Variants in ADAMTS14 observed in about 807,000 individuals in gnomAD.
ADAMTS14 encodes ADAM metallopeptidase with thrombospondin type 1 motif 14.
A neutral mutation model predicts 128.6 loss-of-function variants in ADAMTS14; 100 were observed. That is an observed-to-expected ratio of 0.78 (90% CI 0.66 to 0.92). The LOEUF (loss-of-function observed/expected upper bound fraction) is 0.92, where lower values mean the gene tolerates loss of function less well. Ranked by LOEUF, ADAMTS14 falls within the 40% of genes least tolerant of loss-of-function variation. The pLI is 0.00. For synonymous variants in ADAMTS14, 665 were observed against 653.8 expected, an observed-to-expected ratio of 1.02 and a Z score of -0.26; for missense variants, 1,562 against 1,658.6, an observed-to-expected ratio of 0.94 and a Z score of 1.01.
At chr10:70,729,178 T>G in intron 4 of ADAMTS14, 116 bp from the exon 5 acceptor site, 1 of 868,954 alleles carries the variant, frequency 1.2e-6, no homozygotes, top group Non-Finnish European at 1.9e-6. Context: ...GATAAGTATC[T>G]TGCCTGATAA....
chr10:70,711,671 G>C (rs186409457), intron 4 of ADAMTS14, among the ~76,000 whole-genome samples: 43 of 152,278 alleles, frequency 2.8e-4, no homozygotes, highest in Admixed American at 2.7e-3. Flanking sequence ...GTTGTTCCTC[G>C]CCTGAGTTTG....
intron 4 of ADAMTS14, among the ~76,000 whole-genome samples, chr10:70,721,575 G>A (rs1273588571): frequency 1.3e-5 from 2 of 151,956 alleles, no homozygotes; most frequent in Non-Finnish European, 2.9e-5. Context: ...TGTTAGTAGA[G>A]ACGGGGTTTC....
At chr10:70,757,092 A>G (rs10733878) in intron 19 of ADAMTS14, among the ~76,000 whole-genome samples, 146,454 of 152,184 alleles carry the variant, frequency 0.96, 70,576 homozygotes, top group East Asian at 1. Context: ...TTCCAGCTAG[A>G]TAAGGCTGTG....
At position 70,744,204 on chromosome 10, in the gene ADAMTS14, G is replaced by A. The variant is rs1396718101; in HGVS notation, c.2182+15G>A. On this transcript the variant is annotated intron_variant, in intron 14 of 21. Transcript: ENST00000373207. The stretch of plus-strand genomic sequence containing the variant: ...CAAGCAGGCAGGTGAGCCGGGCTGG[G>A]GCTGGGGGGATGACGAGGGCTGACT... The A allele has an allele frequency of 6.6e-7, 1 of 1,509,916 alleles. No individual in the cohort carries two copies. The highest frequency in any genetic ancestry group is 8.9e-7 in the Non-Finnish European group (1 of 1,122,734). 93.5% of individuals were successfully genotyped at this position (1,509,916 alleles called of 1,614,324 possible).
At chr10:70,760,266 G>T (rs1163762393) in intron 21 of ADAMTS14, 94 bp from the exon 22 acceptor site, 2 of 1,470,000 alleles carry the variant, frequency 1.4e-6, no homozygotes, top group Admixed American at 4.5e-5. Flanking sequence ...AGGGGTGGAG[G>T]GCGGGCAGTC....
intron 4 of ADAMTS14, 119 bp from the exon 5 acceptor site, chr10:70,729,175 A>G (rs1841539620): frequency 1.2e-6 from 1 of 837,716 alleles, no homozygotes; most frequent in Non-Finnish European, 2.0e-6. Context: ...TAGGATAAGT[A>G]TCTTGCCTGA....
chr10:70,688,000 T>G (rs1384090949), intron 2 of ADAMTS14, among the ~76,000 whole-genome samples: 1 of 59,860 alleles, frequency 1.7e-5, no homozygotes, highest in South Asian at 1.1e-3. Context: ...ACGGGGTGGC[T>G]GCCGGGCGGA....
intron 4 of ADAMTS14, among the ~76,000 whole-genome samples, chr10:70,710,841 A>T (rs181893521): frequency 9.5e-4 from 145 of 152,296 alleles, no homozygotes; most frequent in Admixed American, 4.3e-3. Context: ...TCGTGAAGTG[A>T]CTGGTCATGC....
chr10:70,690,489 G>GA (rs1840152417), intron 2 of ADAMTS14, among the ~76,000 whole-genome samples: 1 of 145,438 alleles, frequency 6.9e-6, no homozygotes, highest in South Asian at 2.2e-4. Flanking sequence ...CTGCATTCTG[G>GA]AGGGAACTTG....
At chr10:70,721,019 CTTTTTTTTTTTT>C (rs56656736) in intron 4 of ADAMTS14, among the ~76,000 whole-genome samples, 4 of 84,336 alleles carry the variant, frequency 4.7e-5, no homozygotes, top group Non-Finnish European at 8.6e-5. Context: ...TCTCTTTTTT[CTTTTTTTTTTTT>C]TTTTTTTTTT....
chr10:70,755,800 G>C (rs982574670), intron 19 of ADAMTS14, among the ~76,000 whole-genome samples: 1 of 152,246 alleles, frequency 6.6e-6, no homozygotes, highest in Non-Finnish European at 1.5e-5. Flanking sequence ...AGTGAGCCAA[G>C]ATCACGCCAT....
chr10:70,682,738 C>T (rs1244771308), intron 2 of ADAMTS14, among the ~76,000 whole-genome samples: 1 of 152,112 alleles, frequency 6.6e-6, no homozygotes, highest in Non-Finnish European at 1.5e-5. Context: ...GGCTGCCACT[C>T]CCAGAGGGGT....
chr10:70,688,844 G>GTGGGGC (rs1491317668), intron 2 of ADAMTS14, among the ~76,000 whole-genome samples: 1 of 990 alleles, frequency 1.0e-3, no homozygotes, highest in Non-Finnish European at 5.3e-3. Flanking sequence ...GAGGGAGACC[G>GTGGGGC]GAGGGGGAGG....
At chr10:70,697,145 G>T (rs965493951) in intron 2 of ADAMTS14, among the ~76,000 whole-genome samples, 26 of 152,216 alleles carry the variant, frequency 1.7e-4, no homozygotes, top group African/African-American at 6.3e-4. Context: ...GAGGTGGCCT[G>T]CTCTGCTACT....
At chr10:70,760,234 T>G in intron 21 of ADAMTS14, 126 bp from the exon 22 acceptor site, 4 of 1,284,794 alleles carry the variant, frequency 3.1e-6, no homozygotes, top group African/African-American at 1.5e-5. Flanking sequence ...AGAAAAAGCT[T>G]TATAGTGGGT....
intron 4 of ADAMTS14, 39 bp downstream of exon 4, chr10:70,708,817 G>T: frequency 7.4e-7 from 1 of 1,349,888 alleles, no homozygotes; most frequent in Non-Finnish European, 9.9e-7. Flanking sequence ...GGGGAGTGGG[G>T]TGGGGTGGGC....
Position 70,730,131 on chromosome 10 carries a change from C to G in ADAMTS14, c.984C>G (p.Pro328=). The part of the protein sequence containing the change: ...QSLSLIERGN[P]SRSLEQVCRW... ...TGAGCCTGATCGAGCGCGGGAACCC[C>G]TCACGCAGCCTGGAGCAGGTGTGTC... Residue 328 remains proline, a synonymous_variant, in exon 6 of 22, where the codon CCC becomes CCG. Transcript: ENST00000373207. 1 of 1,610,382 alleles carries G rather than the reference C, an allele frequency of 6.2e-7. No individual in the cohort carries two copies. The highest frequency in any genetic ancestry group is 1.3e-5 in the African/African-American group (1 of 75,042).
chr10:70,699,569 G>A (rs896136895), intron 2 of ADAMTS14, among the ~76,000 whole-genome samples: 13 of 152,136 alleles, frequency 8.5e-5, no homozygotes, highest in African/African-American at 3.1e-4. Context: ...GGACGAGCAC[G>A]ATGATCTTGA....
intron 6 of ADAMTS14, 62 bp from the exon 7 acceptor site, chr10:70,732,192 A>G (rs1396364671): frequency 1.4e-6 from 2 of 1,421,460 alleles, no homozygotes; most frequent in East Asian, 2.3e-5. Context: ...CACAGACCTC[A>G]GTGTGTCCTG....
Sources: gnomAD v4.1 joint callset for allele counts (sites outside exome capture counted in the v4.1 genomes callset) on GRCh38, gnomAD v4.1.1 for gene constraint, MANE v1.5 for transcripts, NCBI Gene and HGNC (gene_info 2026-07-23, HGNC 2026-07-21) for gene names.